The following TECRL variants were observed in gnomAD, a reference collection of about 807,000 sequenced individuals.
The protein encoded by TECRL is trans-2,3-enoyl-CoA reductase-like.
In TECRL, 63 loss-of-function variants were observed where a neutral mutation model predicts 52.8. That is an observed-to-expected ratio of 1.19 (90% CI 0.97 to 1.47). The LOEUF is 1.47. Among genes scored for constraint, TECRL ranks in the 40% most tolerant of loss-of-function variants. The pLI is 0.00. For synonymous variants in TECRL, 164 were observed against 141.9 expected (o/e 1.16, Z -1.10); for missense variants, 482 against 429.6 (o/e 1.12, Z -1.08).
chr4:64,333,872 A>T (rs1718832672), intron 2 of TECRL, among the ~76,000 whole-genome samples: 1 of 136,042 alleles, frequency 7.4e-6, no homozygotes, highest in Admixed American at 7.3e-5. Context: ...TACAAAAAAA[A>T]AATTAGCCGG....
intron 1 of TECRL, among the ~76,000 whole-genome samples, chr4:64,405,080 A>G (rs1724616193): frequency 6.6e-6 from 1 of 152,160 alleles, no homozygotes; most frequent in South Asian, 2.1e-4. Context: ...TAAAGAAAGA[A>G]AAATAAATAG....
At chr4:64,287,646 A>C (rs780530234) in intron 9 of TECRL, among the ~76,000 whole-genome samples, 9 of 152,096 alleles carry the variant, frequency 5.9e-5, no homozygotes, top group Non-Finnish European at 1.3e-4. Context: ...GAAGTAACTG[A>C]GTTTTTGCAT....
chr4:64,319,469 GA>G (rs1019248450), intron 4 of TECRL, among the ~76,000 whole-genome samples: 11 of 151,784 alleles, frequency 7.2e-5, no homozygotes, highest in African/African-American at 2.6e-4. Flanking sequence ...CATTAAAATT[GA>G]AAACAATTCT....
chr4:64,302,067 A>G (rs939012152), intron 7 of TECRL, among the ~76,000 whole-genome samples: 1 of 151,306 alleles, frequency 6.6e-6, no homozygotes, highest in Non-Finnish European at 1.5e-5. Flanking sequence ...AGATTTTTGA[A>G]CATATACATT....
chr4:64,374,773 G>A (rs1180552142), intron 2 of TECRL, among the ~76,000 whole-genome samples: 1 of 152,010 alleles, frequency 6.6e-6, no homozygotes, highest in Admixed American at 6.6e-5. Flanking sequence ...AGTATTCCAT[G>A]GTGTGTATGT....
chr4:64,299,732 T>G (rs1723895267), intron 8 of TECRL, among the ~76,000 whole-genome samples: 1 of 150,986 alleles, frequency 6.6e-6, no homozygotes, highest in South Asian at 2.1e-4. Flanking sequence ...TTTCAAATAT[T>G]TATTGTATTT....
intron 2 of TECRL, among the ~76,000 whole-genome samples, chr4:64,335,003 A>G (rs951437574): frequency 2.6e-5 from 4 of 152,194 alleles, no homozygotes; most frequent in African/African-American, 7.2e-5. Flanking sequence ...ACTCAGTGAC[A>G]GTCCTCCCAA....
intron 2 of TECRL, among the ~76,000 whole-genome samples, chr4:64,329,653 A>T (rs1323490112): frequency 6.6e-6 from 1 of 151,940 alleles, no homozygotes; most frequent in Non-Finnish European, 1.5e-5. Context: ...AAAACATAAA[A>T]CATAGCTGAG....
chr4:64,309,430 T>C lies in TECRL; in HGVS notation c.657+396A>G, dbSNP rs144822480. Among the ~76,000 whole-genome samples the C allele has an allele frequency of 5.5e-3, 841 of 152,260 alleles. 10 individuals are homozygous for C. The highest frequency in any genetic ancestry group is 0.018 in the African/African-American group (766 of 41,566). On this transcript the variant is annotated intron_variant, in intron 6 of 11. Coordinates refer to ENST00000381210, the MANE Select transcript of TECRL (RefSeq NM_001010874.5). ...TTCTAGAAGAGCAAACACACTAGCA[T>C]CATATTGACAACTGCCATAATAATG...
At chr4:64,316,369 T>C (rs961937989) in intron 4 of TECRL, among the ~76,000 whole-genome samples, 12 of 152,116 alleles carry the variant, frequency 7.9e-5, no homozygotes, top group Non-Finnish European at 5.9e-5. Flanking sequence ...CTTAATATTT[T>C]ATAAAGAATA....
chr4:64,394,167 T>A (rs1035548802), intron 1 of TECRL, among the ~76,000 whole-genome samples: 1 of 152,194 alleles, frequency 6.6e-6, no homozygotes, highest in African/African-American at 2.4e-5. Flanking sequence ...AATTATAACG[T>A]CACTTTCATT....
In TECRL at chr4:64,409,282, A is replaced by C. The variant is rs768133298; in HGVS notation, c.70T>G (p.Phe24Val). The change falls in exon 1 of 12, where the codon TTC (phenylalanine) becomes GTC (valine). Residue 24 changes from phenylalanine to valine, a missense_variant. Phe to Val is a conservative substitution (Grantham distance 50, BLOSUM62 -1). Transcript: ENST00000381210. ...TTTCTCATATCATCCTTCAGTATGA[A>C]CCGTGTAGCTCTTTGGGAAAGTAAT... is the stretch of plus-strand genomic sequence containing the variant. ...RALLSQRATR[F>V]ILKDDMRNFH... 6.2e-7 allele frequency: 1 copy of C among 1,613,780 alleles called. No individual in the cohort carries two copies. Among genetic ancestry groups the C allele is most frequent in the African/African-American group, 1.3e-5 (1 of 74,908 alleles).
chr4:64,382,942 A>C (rs1722923101), intron 1 of TECRL, among the ~76,000 whole-genome samples: 1 of 150,546 alleles, frequency 6.6e-6, no homozygotes, highest in Non-Finnish European at 1.5e-5. Context: ...CAGATGTAGG[A>C]CTCTCTTAAG....
At chr4:64,336,762 T>G (rs1283796832) in intron 2 of TECRL, among the ~76,000 whole-genome samples, 1 of 152,250 alleles carries the variant, frequency 6.6e-6, no homozygotes, top group Non-Finnish European at 1.5e-5. Flanking sequence ...CATTTTGTTA[T>G]GTACCCAGTA....
At chr4:64,342,989 C>T (rs1233556383) in intron 2 of TECRL, among the ~76,000 whole-genome samples, 1 of 151,852 alleles carries the variant, frequency 6.6e-6, no homozygotes, top group African/African-American at 2.4e-5. Context: ...GTTGTGATCA[C>T]TAACAAAACC....
intron 6 of TECRL, among the ~76,000 whole-genome samples, chr4:64,306,738 C>T (rs1449198767): frequency 6.6e-6 from 1 of 152,178 alleles, no homozygotes; most frequent in Non-Finnish European, 1.5e-5. Flanking sequence ...TCCTCTCCAT[C>T]TAGGCTGCTT....
intron 1 of TECRL, among the ~76,000 whole-genome samples, chr4:64,382,236 G>A (rs11728757): frequency 0.087 from 174 of 1,994 alleles, 3 homozygotes; most frequent in South Asian, 0.1. Context: ...TATATATATA[G>A]TATTATGTAT....
At chr4:64,400,444 G>A (rs1193679213) in intron 1 of TECRL, among the ~76,000 whole-genome samples, 1 of 152,132 alleles carries the variant, frequency 6.6e-6, no homozygotes, top group Non-Finnish European at 1.5e-5. Context: ...GACTTTGGGG[G>A]ATTATTGGGA....
intron 1 of TECRL, among the ~76,000 whole-genome samples, chr4:64,396,679 T>G (rs1485424440): frequency 6.6e-6 from 1 of 152,194 alleles, no homozygotes; most frequent in Non-Finnish European, 1.5e-5. Context: ...TTGTCATTTT[T>G]TTATTATGTT....
Sources: gnomAD v4.1 joint callset for allele counts (sites outside exome capture counted in the v4.1 genomes callset) on GRCh38, gnomAD v4.1.1 for gene constraint, MANE v1.5 for transcripts, NCBI Gene and HGNC (gene_info 2026-07-23, HGNC 2026-07-21) for gene names.